Variants in KAT6A observed in about 807,000 individuals in gnomAD.
The protein encoded by KAT6A is histone acetyltransferase KAT6A.
A neutral mutation model predicts 198.4 loss-of-function variants in KAT6A; 9 were observed. That is an observed-to-expected ratio of 0.05 (90% CI 0.03 to 0.08). KAT6A has a LOEUF of 0.08. Among genes scored for constraint, KAT6A ranks in the 10% least tolerant of loss-of-function variants. The pLI, the probability that KAT6A is intolerant of heterozygous loss-of-function variation, is 1.00. For missense variants in KAT6A, 2,077 were observed against 2,509.9 expected (o/e 0.83, Z 3.69); for synonymous variants, 890 against 883.0 (o/e 1.01, Z -0.14).
intron 2 of KAT6A, among the ~76,000 whole-genome samples, chr8:41,992,368 G>A (rs903255737): frequency 1.7e-4 from 26 of 152,098 alleles, no homozygotes; most frequent in African/African-American, 5.6e-4. Context: ...AAAAGAAATT[G>A]CAATAGGTTT....
chr8:41,975,330 T>C (rs1055958903), intron 7 of KAT6A, among the ~76,000 whole-genome samples: 8 of 152,070 alleles, frequency 5.3e-5, no homozygotes, highest in African/African-American at 1.9e-4. Flanking sequence ...ATGATAATCA[T>C]CTGGGTAAAT....
chr8:41,937,324 C>T lies in KAT6A; in HGVS notation c.3284G>A (p.Arg1095Lys), dbSNP rs1297850061. Residue 1095 changes from arginine (R) to lysine (K), a missense_variant, in exon 16 of 17, where the codon AGG (arginine) becomes AAG (lysine). By Grantham distance (26) the Arg-to-Lys change is conservative. Coordinates refer to ENST00000265713, the MANE Select transcript of KAT6A (RefSeq NM_006766.5). ...FRRLSSQDVL[R>K]CQSSSKRKSK... ...CTTCCTCTTAGAAGAGGACTGACAC[C>T]TGAGTACATCCTGCGAAGACAAACG... 2 of 1,614,052 alleles carry T rather than the reference C, an allele frequency of 1.2e-6. No individual in the cohort carries two copies. Among genetic ancestry groups the T allele is most frequent in the East Asian group, 2.2e-5 (1 of 44,882 alleles).
chr8:42,042,901 C>G (rs930752310), intron 2 of KAT6A, among the ~76,000 whole-genome samples: 2 of 152,084 alleles, frequency 1.3e-5, no homozygotes, highest in Non-Finnish European at 2.9e-5. Flanking sequence ...AGTTTGAAAT[C>G]AAGGTGAAAA....
intron 3 of KAT6A, among the ~76,000 whole-genome samples, chr8:41,986,009 C>T (rs945863980): frequency 2.6e-5 from 4 of 152,060 alleles, no homozygotes; most frequent in African/African-American, 9.7e-5. Context: ...GACGCCATCT[C>T]AGCTCACCAC....
In KAT6A at chr8:41,981,092, G is replaced by A. The variant is rs976528885; in HGVS notation, c.826-165C>T. ...CCCAACACTCTGGGAGGTCGAGGCGGGTGGATCATGAGGTCAGGAGTTCGA... is the reference window on the plus strand; with the variant it reads ...CCCAACACTCTGGGAGGTCGAGGCGAGTGGATCATGAGGTCAGGAGTTCGA... On this transcript the variant is annotated intron_variant, in intron 4 of 16. Transcript: ENST00000265713. Among the ~76,000 whole-genome samples, 3 of 152,206 alleles carry A rather than the reference G, an allele frequency of 2.0e-5. 1 individual carries two copies. The highest frequency in any genetic ancestry group is 1.9e-4 in the East Asian group (1 of 5,204).
intron 2 of KAT6A, among the ~76,000 whole-genome samples, chr8:42,014,573 C>A (rs1295497109): frequency 6.6e-6 from 1 of 152,176 alleles, no homozygotes; most frequent in East Asian, 1.9e-4. Context: ...AACAAATATA[C>A]CTTCAATCCA....
intron 2 of KAT6A, among the ~76,000 whole-genome samples, chr8:42,029,054 A>T (rs1016537398): frequency 1.3e-5 from 2 of 152,126 alleles, no homozygotes; most frequent in Non-Finnish European, 2.9e-5. Flanking sequence ...TTCTAAAAAG[A>T]CAGCTTTGTT....
At chr8:41,958,222 T>C (rs189450031) in intron 8 of KAT6A, 5 of 152,336 alleles carry the variant, frequency 3.3e-5, no homozygotes, top group Admixed American at 3.3e-4. Context: ...AGAGAGAGCA[T>C]GAATTTAAGG....
intron 15 of KAT6A, among the ~76,000 whole-genome samples, chr8:41,939,950 G>A (rs931395014): frequency 5.9e-5 from 9 of 152,218 alleles, no homozygotes; most frequent in African/African-American, 1.9e-4. Flanking sequence ...TGGGGTATGC[G>A]AGAACTCTCT....
intron 2 of KAT6A, among the ~76,000 whole-genome samples, chr8:41,990,357 G>C (rs1824873389): frequency 6.6e-6 from 1 of 152,188 alleles, no homozygotes; most frequent in Non-Finnish European, 1.5e-5. Flanking sequence ...ATGGCTAATT[G>C]CTTTGGGGAG....
chr8:41,943,208 C>T (rs1324848518), intron 13 of KAT6A, among the ~76,000 whole-genome samples: 4 of 152,184 alleles, frequency 2.6e-5, no homozygotes, highest in African/African-American at 7.2e-5. Flanking sequence ...ACCGTGGCCG[C>T]GGGCTGTTTT....
At chr8:41,991,132 G>A (rs1174529594) in intron 2 of KAT6A, among the ~76,000 whole-genome samples, 1 of 151,848 alleles carries the variant, frequency 6.6e-6, no homozygotes, top group Non-Finnish European at 1.5e-5. Context: ...ACATGATCCA[G>A]CACTTCCACT....
chr8:41,967,942 T>C (rs1430236161), intron 8 of KAT6A, among the ~76,000 whole-genome samples: 4 of 151,928 alleles, frequency 2.6e-5, no homozygotes, highest in Non-Finnish European at 5.9e-5. Context: ...TGAAACTGGA[T>C]CCCTTCCTTA....
intron 9 of KAT6A, among the ~76,000 whole-genome samples, chr8:41,949,576 A>G (rs1822568818): frequency 6.6e-6 from 1 of 152,242 alleles, no homozygotes; most frequent in Non-Finnish European, 1.5e-5. Context: ...GAGATGAAAA[A>G]ATTAATTTAG....
chr8:42,004,593 T>C (rs889836162), intron 2 of KAT6A, among the ~76,000 whole-genome samples: 2 of 152,198 alleles, frequency 1.3e-5, no homozygotes, highest in African/African-American at 4.8e-5. Flanking sequence ...GATCATTTTT[T>C]CTAGAAATGA....
intron 2 of KAT6A, among the ~76,000 whole-genome samples, chr8:42,012,324 C>T (rs558697747): frequency 1.3e-5 from 2 of 152,170 alleles, no homozygotes; most frequent in Non-Finnish European, 2.9e-5. Flanking sequence ...CCTAATCCTT[C>T]GAACCTGTAA....
chr8:42,014,197 G>C (rs1004189672), intron 2 of KAT6A, among the ~76,000 whole-genome samples: 6 of 152,172 alleles, frequency 3.9e-5, no homozygotes, highest in African/African-American at 1.4e-4. Flanking sequence ...CTAAGGGGCA[G>C]AGCCAAAAGG....
intron 5 of KAT6A, 115 bp from the exon 6 acceptor site, chr8:41,978,892 A>T (rs1186209569): frequency 1.2e-6 from 1 of 835,990 alleles, no homozygotes; most frequent in Non-Finnish European, 1.9e-6. Flanking sequence ...GTCATTAGAA[A>T]ATCTGATGAA....
At chr8:41,948,400 G>A (rs1822501142) in intron 10 of KAT6A, among the ~76,000 whole-genome samples, 1 of 152,136 alleles carries the variant, frequency 6.6e-6, no homozygotes, top group Non-Finnish European at 1.5e-5. Flanking sequence ...AACTACTTAA[G>A]GGGGTACTAA....
Sources: gnomAD v4.1 joint callset for allele counts (sites outside exome capture counted in the v4.1 genomes callset) on GRCh38, gnomAD v4.1.1 for gene constraint, MANE v1.5 for transcripts, NCBI Gene and HGNC (gene_info 2026-07-23, HGNC 2026-07-21) for gene names.